GRID2: variants seen among roughly 807,000 people sequenced by gnomAD.
GRID2 encodes the protein glutamate receptor ionotropic, delta-2.
A neutral mutation model predicts 114.8 loss-of-function variants in GRID2; 33 were observed. The observed-to-expected ratio is 0.29, with a 90% CI of 0.22 to 0.38. The LOEUF (loss-of-function observed/expected upper bound fraction) is 0.38, where lower values mean the gene tolerates loss of function less well. Ranked by LOEUF, GRID2 falls within the 10% of genes least tolerant of loss-of-function variation. The pLI, the probability that GRID2 is intolerant of heterozygous loss-of-function variation, is 1.00. For missense variants in GRID2, 1,184 were observed against 1,257.7 expected (o/e 0.94, Z 0.89); for synonymous variants, 505 against 449.9 (o/e 1.12, Z -1.55).
chr4:93,367,087 A>G (rs934957541), intron 8 of GRID2, among the ~76,000 whole-genome samples: 3 of 151,978 alleles, frequency 2.0e-5, no homozygotes, highest in African/African-American at 7.2e-5. Context: ...GATGAAATGT[A>G]TGCTTTTGAA....
intron 2 of GRID2, among the ~76,000 whole-genome samples, chr4:92,978,462 T>C (rs1754001179): frequency 6.6e-6 from 1 of 152,172 alleles, no homozygotes; most frequent in African/African-American, 2.4e-5. Flanking sequence ...AACTATTTGG[T>C]CAAGAAACTT....
At chr4:92,692,608 C>T (rs967596713) in intron 2 of GRID2, among the ~76,000 whole-genome samples, 1 of 152,004 alleles carries the variant, frequency 6.6e-6, no homozygotes, top group Non-Finnish European at 1.5e-5. Flanking sequence ...CAGTTTTAAA[C>T]CAGTATTGGG....
chr4:93,227,574 A>G (rs1745639590), intron 7 of GRID2, among the ~76,000 whole-genome samples: 1 of 152,088 alleles, frequency 6.6e-6, no homozygotes, highest in Non-Finnish European at 1.5e-5. Flanking sequence ...TAAGTTTTTC[A>G]GATTTTTTGT....
chr4:93,177,214 C>T (rs948316268), intron 4 of GRID2, among the ~76,000 whole-genome samples: 2 of 151,400 alleles, frequency 1.3e-5, no homozygotes, highest in African/African-American at 4.9e-5. Context: ...AAAGTGTATA[C>T]AAATGAGGAA....
At chr4:93,767,557 G>A (rs541573526) in intron 14 of GRID2, among the ~76,000 whole-genome samples, 3 of 152,260 alleles carry the variant, frequency 2.0e-5, no homozygotes, top group East Asian at 1.9e-4. Context: ...CTGCCAGCAC[G>A]GGGCACCAGA....
chr4:92,790,721 T>G (rs980502964), intron 2 of GRID2, among the ~76,000 whole-genome samples: 3 of 139,022 alleles, frequency 2.2e-5, no homozygotes, highest in African/African-American at 5.5e-5. Context: ...CCCAGCTTTT[T>G]AAGAAAAAAA....
chr4:92,690,060 C>G (rs1164058194), intron 2 of GRID2, among the ~76,000 whole-genome samples: 1 of 151,868 alleles, frequency 6.6e-6, no homozygotes, highest in Non-Finnish European at 1.5e-5. Context: ...CTGGAGTCAC[C>G]CTTAAAAAAA....
At chr4:92,692,012 A>G (rs1734205480) in intron 2 of GRID2, among the ~76,000 whole-genome samples, 1 of 152,200 alleles carries the variant, frequency 6.6e-6, no homozygotes, top group Non-Finnish European at 1.5e-5. Flanking sequence ...TATAATGAAA[A>G]TAACTTAGAG....
At position 92,748,697 on chromosome 4, in the gene GRID2, T is replaced by C. The variant is rs189538902; in HGVS notation, c.244+158411T>C. On this transcript the variant is annotated intron_variant, in intron 2 of 15. Transcript: ENST00000282020. Reference sequence around the variant, plus strand: ...TATTATTTGAGATGGAGTTTCACTCTGTTGCCCAGGCTGGAGTGCAGTGGT... The same window carrying C: ...TATTATTTGAGATGGAGTTTCACTCCGTTGCCCAGGCTGGAGTGCAGTGGT... Among the ~76,000 whole-genome samples, 643 of 149,654 alleles carry C rather than the reference T, an allele frequency of 4.3e-3. 5 individuals carry two copies. Among genetic ancestry groups the C allele is most frequent in the African/African-American group, 0.015 (617 of 40,936 alleles).
chr4:93,713,336 T>C (rs1728642765), intron 14 of GRID2, among the ~76,000 whole-genome samples: 1 of 152,076 alleles, frequency 6.6e-6, no homozygotes, highest in Admixed American at 6.6e-5. Context: ...CCTGACAGTT[T>C]GTTTGTTGTT....
At chr4:92,826,548 C>A (rs1741713592) in intron 2 of GRID2, among the ~76,000 whole-genome samples, 1 of 152,026 alleles carries the variant, frequency 6.6e-6, no homozygotes, top group South Asian at 2.1e-4. Flanking sequence ...CAGTTTTGTT[C>A]CATACTGCAT....
intron 1 of GRID2, among the ~76,000 whole-genome samples, chr4:92,338,706 G>A (rs1158713621): frequency 1.3e-5 from 2 of 151,986 alleles, no homozygotes; most frequent in African/African-American, 4.8e-5. Flanking sequence ...AAAAACAATT[G>A]AAAATTCATT....
rs372315081 is a variant in GRID2, at chr4:93,636,393, A to G, written c.2360+9958A>G. ...TTAACAAAATATTCCAGAACTTAAA[A>G]CCACAAATTTACACTGCACTTGAAA... On this transcript the variant is annotated intron_variant, in intron 14 of 15. Coordinates refer to ENST00000282020, the MANE Select transcript of GRID2 (RefSeq NM_001510.4). Among the ~76,000 whole-genome samples the G allele has an allele frequency of 7.9e-5, 12 of 152,024 alleles. No homozygotes were observed. In the East Asian group the frequency reaches 1.9e-3, roughly 24 times the overall value.
chr4:92,555,160 T>C (rs1726790488), intron 1 of GRID2, among the ~76,000 whole-genome samples: 2 of 152,100 alleles, frequency 1.3e-5, no homozygotes. Flanking sequence ...TCGAGGAGTG[T>C]GAATATATTT....
chr4:93,141,981 C>T (rs1174103107), intron 4 of GRID2, among the ~76,000 whole-genome samples: 23 of 152,178 alleles, frequency 1.5e-4, no homozygotes, highest in Admixed American at 1.5e-3. Context: ...AGTGTGCTGG[C>T]TTATGCCTGT....
chr4:93,304,096 ATACT>A (rs1398738323), intron 8 of GRID2, among the ~76,000 whole-genome samples: 2 of 151,474 alleles, frequency 1.3e-5, no homozygotes, highest in Non-Finnish European at 2.9e-5. Flanking sequence ...ATATATATTA[ATACT>A]TACACTGATC....
intron 2 of GRID2, among the ~76,000 whole-genome samples, chr4:92,966,385 C>A (rs1753158955): frequency 6.6e-6 from 1 of 151,942 alleles, no homozygotes; most frequent in South Asian, 2.1e-4. Context: ...CCTTGACCTA[C>A]TTTTTGGAAG....
chr4:92,879,751 A>G (rs528380063), intron 2 of GRID2, among the ~76,000 whole-genome samples: 1 of 152,360 alleles, frequency 6.6e-6, no homozygotes, highest in East Asian at 1.9e-4. Flanking sequence ...AAATGTTTCA[A>G]CACAATGTGC....
intron 1 of GRID2, among the ~76,000 whole-genome samples, chr4:92,535,313 A>G (rs953251205): frequency 6.6e-6 from 1 of 152,180 alleles, no homozygotes; most frequent in Non-Finnish European, 1.5e-5. Context: ...ATTCCAAAAT[A>G]TTTCAACTTT....
Sources: gnomAD v4.1 joint callset for allele counts (sites outside exome capture counted in the v4.1 genomes callset) on GRCh38, gnomAD v4.1.1 for gene constraint, MANE v1.5 for transcripts, NCBI Gene and HGNC (gene_info 2026-07-23, HGNC 2026-07-21) for gene names.